Variants in ADSS1 observed in about 807,000 individuals in gnomAD.
The protein encoded by ADSS1 is adenylosuccinate synthase 1.
A neutral mutation model predicts 59.1 loss-of-function variants in ADSS1; 57 were observed. The ratio of observed to expected loss-of-function variants is 0.97; its 90% confidence interval spans 0.78 to 1.20. The LOEUF is 1.20. Among genes scored for constraint, ADSS1 ranks in the 50% most tolerant of loss-of-function variants. ADSS1 has a pLI of 0.00. For missense variants in ADSS1, 603 were observed against 610.3 expected (o/e 0.99, Z 0.13); for synonymous variants, 247 against 249.4 (o/e 0.99, Z 0.09).
chr14:104,730,299 G>A (rs1262033122), intron 1 of ADSS1: 19 of 1,341,438 alleles, frequency 1.4e-5, no homozygotes, highest in Middle Eastern at 2.8e-4. Context: ...TTCAAGACCA[G>A]CCTGGCCAAG....
intron 1 of ADSS1, 52 bp downstream of exon 1, chr14:104,724,514 C>T: frequency 2.4e-6 from 3 of 1,225,990 alleles, no homozygotes; most frequent in Non-Finnish European, 2.0e-6. Flanking sequence ...AGCCCCCCTC[C>T]CCCGACCCAG....
rs144889835 is a variant in ADSS1 at position 104,744,863 on chromosome 14, C to T, written c.1125C>T (p.Val375=). ...DILDVLGEVK[V]GVSYKLNGKR... is the part of the protein sequence containing the mutation. ...TGGACGTACTGGGTGAGGTTAAAGT[C>T]GGTGTCTCATACAAGCTGAACGGGA... is the stretch of plus-strand genomic sequence containing the variant. Residue 375 remains valine, a synonymous_variant, in exon 11 of 13, where the codon GTC becomes GTT. Coordinates refer to ENST00000330877, the MANE Select transcript of ADSS1 (RefSeq NM_152328.5). 61 of 1,614,056 alleles carry T rather than the reference C, an allele frequency of 3.8e-5. No individual in the cohort carries two copies. The African/African-American group carries it at 6.0e-4, about 16-fold the overall frequency.
At chr14:104,725,016 C>T (rs116148991) in intron 1 of ADSS1, among the ~76,000 whole-genome samples, 280 of 152,234 alleles carry the variant, frequency 1.8e-3, no homozygotes, top group African/African-American at 6.4e-3. Flanking sequence ...GGGGCCAGGC[C>T]GTCCTGGGGG....
intron 1 of ADSS1, among the ~76,000 whole-genome samples, chr14:104,731,695 C>T (rs1009340774): frequency 1.3e-5 from 2 of 152,192 alleles, no homozygotes; most frequent in Non-Finnish European, 2.9e-5. Context: ...TGGTGGGAGC[C>T]GTGCCTGAGC....
intron 7 of ADSS1, 83 bp downstream of exon 7, chr14:104,741,003 C>T: frequency 6.2e-7 from 1 of 1,607,784 alleles, no homozygotes; most frequent in Admixed American, 1.7e-5. Flanking sequence ...CGTTGAACAC[C>T]CTTGGGGCAC....
intron 8 of ADSS1, among the ~76,000 whole-genome samples, 180 bp downstream of exon 8, chr14:104,741,423 G>A (rs1891351398): frequency 1.3e-5 from 2 of 152,196 alleles, no homozygotes; most frequent in African/African-American, 4.8e-5. Flanking sequence ...GTCAGCAAGG[G>A]AGGGGAGAGG....
intron 2 of ADSS1, chr14:104,737,031 GCCACCATGCC>G (rs1891162643): frequency 2.0e-5 from 3 of 151,724 alleles, no homozygotes; most frequent in Admixed American, 2.0e-4. Context: ...ATAGGCATGA[GCCACCATGCC>G]CCACCAGAGC....
chr14:104,733,486 C>A (rs940627714), intron 1 of ADSS1, among the ~76,000 whole-genome samples: 2 of 152,322 alleles, frequency 1.3e-5, no homozygotes, highest in Middle Eastern at 6.8e-3. Flanking sequence ...TAACTCTTGT[C>A]CAGATGCATC....
chr14:104,746,926 A>T, intron 12 of ADSS1, 25 bp from the exon 13 acceptor site: 1 of 1,613,550 alleles, frequency 6.2e-7, no homozygotes, highest in Non-Finnish European at 8.5e-7. Context: ...AGTGTGTATC[A>T]TAACAGTCTT....
intron 8 of ADSS1, among the ~76,000 whole-genome samples, 168 bp from the exon 9 acceptor site, chr14:104,741,680 A>G (rs960362127): frequency 6.6e-6 from 1 of 152,218 alleles, no homozygotes; most frequent in Non-Finnish European, 1.5e-5. Flanking sequence ...CCCAGCACAC[A>G]GCACCCATTC....
At chr14:104,736,902 A>ATATATATATATATATATATG (rs1566798282) in intron 2 of ADSS1, among the ~76,000 whole-genome samples, 1 of 137,880 alleles carries the variant, frequency 7.3e-6, no homozygotes, top group African/African-American at 2.8e-5. Flanking sequence ...ATATATATAT[A>ATATATATATATATATATATG]TATATATATA....
intron 12 of ADSS1, among the ~76,000 whole-genome samples, 195 bp downstream of exon 12, chr14:104,746,580 C>T (rs1891568197): frequency 2.0e-5 from 3 of 152,174 alleles, no homozygotes; most frequent in Non-Finnish European, 2.9e-5. Flanking sequence ...GTGACCTTGC[C>T]GGGAGCCCCT....
intron 1 of ADSS1, among the ~76,000 whole-genome samples, chr14:104,734,642 C>G (rs1201079211): frequency 1.3e-5 from 2 of 152,170 alleles, no homozygotes; most frequent in East Asian, 1.9e-4. Flanking sequence ...TGGGTGAGGG[C>G]AGGTTTGGCC....
intron 9 of ADSS1, 36 bp downstream of exon 9, chr14:104,742,038 C>G: frequency 6.2e-7 from 1 of 1,606,994 alleles, no homozygotes; most frequent in Non-Finnish European, 8.5e-7. Context: ...CGTGGGAGGA[C>G]AGGGAGGCCA....
intron 9 of ADSS1, among the ~76,000 whole-genome samples, 169 bp downstream of exon 9, chr14:104,742,171 A>G (rs1891389849): frequency 1.3e-5 from 2 of 152,244 alleles, no homozygotes; most frequent in Non-Finnish European, 2.9e-5. Flanking sequence ...AGAGCTTAGT[A>G]AGAGGCGCTG....
At chr14:104,732,054 TGCAGCCCAAG>T (rs1890951061) in intron 1 of ADSS1, among the ~76,000 whole-genome samples, 1 of 152,194 alleles carries the variant, frequency 6.6e-6, no homozygotes, top group Admixed American at 6.5e-5. Flanking sequence ...GGCGTCCACC[TGCAGCCCAAG>T]GCAGCTCCAA....
At chr14:104,736,058 G>A (rs1457641203) in intron 2 of ADSS1, among the ~76,000 whole-genome samples, 1 of 152,230 alleles carries the variant, frequency 6.6e-6, no homozygotes, top group Non-Finnish European at 1.5e-5. Context: ...TGTGAGCAGA[G>A]GGAGGAAGAT....
At chr14:104,742,521 G>T (rs1891403813) in intron 9 of ADSS1, among the ~76,000 whole-genome samples, 1 of 152,252 alleles carries the variant, frequency 6.6e-6, no homozygotes, top group African/African-American at 2.4e-5. Flanking sequence ...ATCCTCAGGA[G>T]ACCCCAGCCT....
intron 2 of ADSS1, among the ~76,000 whole-genome samples, chr14:104,735,981 G>A (rs150168706): frequency 0.01 from 1,575 of 152,310 alleles, 13 homozygotes; most frequent in Middle Eastern, 0.054. Flanking sequence ...TTCCCAGCCC[G>A]TCAGGAAGTG....
Sources: gnomAD v4.1 joint callset for allele counts (sites outside exome capture counted in the v4.1 genomes callset) on GRCh38, gnomAD v4.1.1 for gene constraint, MANE v1.5 for transcripts, NCBI Gene and HGNC (gene_info 2026-07-23, HGNC 2026-07-21) for gene names.